ZBTB3: variants seen among roughly 807,000 people sequenced by gnomAD.
The protein encoded by ZBTB3 is zinc finger and BTB domain containing 3.
A neutral mutation model predicts 30.6 loss-of-function variants in ZBTB3; 15 were observed. The observed-to-expected ratio is 0.49, with a 90% CI of 0.33 to 0.75. The LOEUF is 0.75. ZBTB3 is among the 30% of genes least tolerant of loss of function. ZBTB3 has a pLI of 0.02. For missense variants in ZBTB3, 599 were observed against 652.1 expected (o/e 0.92, Z 0.89); for synonymous variants, 258 against 261.7 (o/e 0.99, Z 0.14).
At position 62,752,385 on chromosome 11, in the gene ZBTB3, CAT is replaced by C. The variant is rs1260533813; in HGVS notation, c.1278_1279del (p.Cys427TrpfsTer20). The C allele has an allele frequency of 3.1e-6, 5 of 1,614,194 alleles. No individual in the cohort carries two copies. Among genetic ancestry groups the C allele is most frequent in the East Asian group, 2.2e-5 (1 of 44,890 alleles). On this transcript the variant is annotated frameshift_variant, in exon 2 of 2. Coordinates refer to ENST00000394807, the MANE Select transcript of ZBTB3 (RefSeq NM_001370809.1). LOFTEE classifies it high-confidence loss of function. ...GTAAGAGCATGAGAAGGTCTTCCCA[CAT>C]GTCTTGCAGGTGGGAACATCCTCAG...
chr11:62,754,084 C>T lies in ZBTB3; in HGVS notation c.-172G>A. On this transcript the variant is annotated 5_prime_UTR_variant, in exon 1 of 2. Transcript: ENST00000394807. ...GCATCTCCCTCACGCATTCCAGGGG[C>T]TAAGGACTACCAGGGTGGGAACTAG... 1 of 1,611,546 alleles carries T rather than the reference C, an allele frequency of 6.2e-7. No individual in the cohort carries two copies. The highest frequency in any genetic ancestry group is 1.3e-5 in the African/African-American group (1 of 74,966).
At position 62,752,725 on chromosome 11, in the gene ZBTB3, C is replaced by A; in HGVS notation, c.940G>T (p.Glu314Ter). The change falls in exon 2 of 2, where the codon GAA (glutamate) becomes TAA (stop). Residue 314 changes from glutamate (E) to a stop codon, truncating the protein, a stop_gained. Transcript: ENST00000394807. LOFTEE classifies it high-confidence loss of function. ...TGTTCATCTGACACATCAGTCTCTT[C>A]ATCAGAGATCACAATAGCTTCAACT... ...VKVEAIVISD[E>*]ETDVSDEQPQ... 1.2e-6 allele frequency: 2 copies of A among 1,614,244 alleles called. No homozygotes were observed. The highest frequency in any genetic ancestry group is 1.7e-6 in the Non-Finnish European group (2 of 1,180,054).
Position 62,754,136 on chromosome 11 carries a change from A to G in ZBTB3, c.-224T>C. Reference sequence around the variant, plus strand: ...GGAGAAAGCTGATACCTCACCCACCACCGAGCAGCCACAGGGCGAGCTCCG... The same window carrying G: ...GGAGAAAGCTGATACCTCACCCACCGCCGAGCAGCCACAGGGCGAGCTCCG... On this transcript the variant is annotated 5_prime_UTR_variant, in exon 1 of 2. Transcript: ENST00000394807. The G allele has an allele frequency of 1.4e-6, 2 of 1,446,754 alleles. No individual in the cohort carries two copies. Among genetic ancestry groups the G allele is most frequent in the South Asian group, 2.3e-5 (2 of 87,422 alleles). 89.6% of individuals were successfully genotyped at this position (1,446,754 alleles called of 1,614,324 possible).
rs185887296 is a variant in ZBTB3, at chr11:62,752,929, G to A, written c.736C>T (p.Leu246=). The change falls in exon 2 of 2, where the codon CTG becomes TTG. Residue 246 remains leucine (L), a synonymous_variant. Transcript: ENST00000394807. ...SGISAVSLEP[L]PSLDVGPESL... The stretch of plus-strand genomic sequence containing the variant: ...TCAGGACCCACATCAAGAGATGGCA[G>A]TGGCTCCAATGAAACTGCTGAGATG... 30 of 1,614,162 alleles carry A rather than the reference G, an allele frequency of 1.9e-5. No homozygotes were observed. In the East Asian group the frequency reaches 6.7e-4, roughly 36 times the overall value.
At position 62,754,012 on chromosome 11, in the gene ZBTB3, G is replaced by A. The variant is rs766373985; in HGVS notation, c.-100C>T. ...GAAGTAGAGATCTTTTTCGCTCCCA[G>A]GCCTTGCCAGGCGATGCCTCTACGC... On this transcript the variant is annotated 5_prime_UTR_variant, in exon 1 of 2. Coordinates refer to ENST00000394807, the MANE Select transcript of ZBTB3 (RefSeq NM_001370809.1). 2.5e-6 allele frequency: 4 copies of A among 1,613,870 alleles called. No individual in the cohort carries two copies. In the East Asian group the frequency reaches 8.9e-5, roughly 36 times the overall value.
rs780023432 is a variant in ZBTB3 at position 62,752,456 on chromosome 11, C to T, written c.1209G>A (p.Leu403=). ...CTGGAGCTGCTTCGTACTCAGAAGA[C>T]AGGTAAAGTGGCTCATGCAGGGATG... ...APASLHEPLY[L]SSEYEAAPGS... The change falls in exon 2 of 2, where the codon CTG becomes CTA. Residue 403 remains leucine (L), a synonymous_variant. Transcript: ENST00000394807. 1 of 1,614,158 alleles carries T rather than the reference C, an allele frequency of 6.2e-7. No individual in the cohort carries two copies. The highest frequency in any genetic ancestry group is 1.7e-5 in the Admixed American group (1 of 60,006).
rs2084037709 is a variant in ZBTB3 at position 62,753,652 on chromosome 11, C to T, written c.13G>A (p.Glu5Lys). MEFP[E>K]HSQQLLQSLR... ...CTCTGCAGCAGCTGCTGACTGTGTTCTGGGAACTCCATAGTACCCCACGAA... is the reference window on the plus strand; with the variant it reads ...CTCTGCAGCAGCTGCTGACTGTGTTTTGGGAACTCCATAGTACCCCACGAA... Residue 5 changes from glutamate (E) to lysine (K), a missense_variant, in exon 2 of 2, where the codon GAA (glutamate) becomes AAA (lysine). Transcript: ENST00000394807. The T allele has an allele frequency of 6.2e-7, 1 of 1,613,176 alleles. No homozygotes were observed. Among genetic ancestry groups the T allele is most frequent in the Admixed American group, 1.7e-5 (1 of 59,972 alleles).
Position 62,751,809 on chromosome 11 carries a change from C to A in ZBTB3, c.*281G>T, listed in dbSNP as rs1206425904. 3 of 238,138 alleles carry A rather than the reference C, an allele frequency of 1.3e-5. No homozygotes were observed. Among genetic ancestry groups the A allele is most frequent in the Non-Finnish European group, 2.4e-5 (3 of 123,754 alleles). 14.8% of individuals were successfully genotyped at this position (238,138 alleles called of 1,614,324 possible). On this transcript the variant is annotated 3_prime_UTR_variant, in exon 2 of 2. Transcript: ENST00000394807. ...AATTAGCCAGGCATGGTGATAGGCG[C>A]CTGTAGTCCCAGCTACTCGGGAGGC...
rs1487968925 is a variant in ZBTB3, at chr11:62,753,697, G to A, written c.-33C>T. ...CACGAAGGAAAGGGGGCCCAAAAAA[G>A]GTCCCCACCAGTGGCTCCCTGAGAA... On this transcript the variant is annotated 5_prime_UTR_variant, in exon 2 of 2. Transcript: ENST00000394807. 3 of 1,599,982 alleles carry A rather than the reference G, an allele frequency of 1.9e-6. No homozygotes were observed. In the African/African-American group the frequency reaches 4.0e-5, roughly 21 times the overall value.
rs761816179 is a variant in ZBTB3 at position 62,753,165 on chromosome 11, C to T, written c.500G>A (p.Gly167Asp). The change falls in exon 2 of 2, where the codon GGC (glycine) becomes GAC (aspartate). Residue 167 changes from glycine (G) to aspartate (D), a missense_variant. Transcript: ENST00000394807. ...AGCAGAGCCTTTCCATTCCCCTTTGCCCCAGTGGCCTGATGTCTCAGCAGA... is the reference window on the plus strand; with the variant it reads ...AGCAGAGCCTTTCCATTCCCCTTTGTCCCAGTGGCCTGATGTCTCAGCAGA... ...LASAETSGHW[G>D]KGEWKGSAAP... The T allele has an allele frequency of 2.2e-5, 35 of 1,614,028 alleles. No individual in the cohort carries two copies. The highest frequency in any genetic ancestry group is 1.5e-4 in the South Asian group (14 of 91,088).
chr11:62,753,682 A>T lies in ZBTB3; in HGVS notation c.-18T>A. On this transcript the variant is annotated 5_prime_UTR_variant, in exon 2 of 2. Coordinates refer to ENST00000394807, the MANE Select transcript of ZBTB3 (RefSeq NM_001370809.1). Reference sequence around the variant, plus strand: ...AACTCCATAGTACCCCACGAAGGAAAGGGGGCCCAAAAAAGGTCCCCACCA... The same window carrying T: ...AACTCCATAGTACCCCACGAAGGAATGGGGGCCCAAAAAAGGTCCCCACCA... 1 of 1,605,770 alleles carries T rather than the reference A, an allele frequency of 6.2e-7. No homozygotes were observed. Among genetic ancestry groups the T allele is most frequent in the South Asian group, 1.1e-5 (1 of 90,842 alleles).
intron 1 of ZBTB3, 71 bp from the exon 2 acceptor site, chr11:62,753,786 T>TG (rs1305004796): frequency 6.5e-7 from 1 of 1,542,402 alleles, no homozygotes; most frequent in African/African-American, 1.4e-5. Flanking sequence ...AACTATCACT[T>TG]GCCACTCCAA....
Position 62,753,302 on chromosome 11 carries a change from G to A in ZBTB3, c.363C>T (p.Ala121=). Residue 121 remains alanine, a synonymous_variant, in exon 2 of 2, where the codon GCC becomes GCT. Coordinates refer to ENST00000394807, the MANE Select transcript of ZBTB3 (RefSeq NM_001370809.1). ...TACTGTCTGCCTCTGCCAGGGCCCG[G>A]GCTTGAAGCCGCCGCTTACACACCT... ...IVKVCKRRLQ[A]RALAEADSTK... is the part of the protein sequence containing the mutation. 6.2e-7 allele frequency: 1 copy of A among 1,614,106 alleles called. No homozygotes were observed. Among genetic ancestry groups the A allele is most frequent in the Non-Finnish European group, 8.5e-7 (1 of 1,180,028 alleles).
intron 1 of ZBTB3, 96 bp downstream of exon 1, chr11:62,753,868 C>A: frequency 6.4e-7 from 1 of 1,566,926 alleles, no homozygotes; most frequent in Non-Finnish European, 8.7e-7. Flanking sequence ...CTCCGCCCAC[C>A]TCGGCCTAAC....
Position 62,752,365 on chromosome 11 carries a change from AG to A in ZBTB3, c.1299del (p.Ser434LeufsTer58). 1 of 1,614,156 alleles carries A rather than the reference AG, an allele frequency of 6.2e-7. No homozygotes were observed. The highest frequency in any genetic ancestry group is 2.2e-5 in the East Asian group (1 of 44,886). ...GTGGCATGTCGCCGTAGTGTGTAAG[AG>A]CATGAGAAGGTCTTCCCACATGTCT... ...TCKTCGKTFS[C>X]SYTLRRHATV... On this transcript the variant is annotated frameshift_variant, in exon 2 of 2. Transcript: ENST00000394807. LOFTEE classifies it high-confidence loss of function.
Position 62,753,574 on chromosome 11 carries a change from C to T in ZBTB3, c.91G>A (p.Gly31Ser). Reference sequence around the variant, plus strand: ...CGATGGGCCAAGAACTGGGTACTACCCACCATCACGGTGCAGTCACAAAGG... The same window carrying T: ...CGATGGGCCAAGAACTGGGTACTACTCACCATCACGGTGCAGTCACAAAGG... The part of the protein sequence containing the change: ...GFLCDCTVMV[G>S]STQFLAHRAV... The change falls in exon 2 of 2, where the codon GGT becomes AGT. Residue 31 changes from glycine to serine, a missense_variant. Transcript: ENST00000394807. The T allele has an allele frequency of 1.2e-6, 2 of 1,614,092 alleles. No individual in the cohort carries two copies. Among genetic ancestry groups the T allele is most frequent in the Non-Finnish European group, 8.5e-7 (1 of 1,180,000 alleles).
At position 62,753,229 on chromosome 11, in the gene ZBTB3, A is replaced by C; in HGVS notation, c.436T>G (p.Leu146Val). The change falls in exon 2 of 2, where the codon TTG becomes GTG. Residue 146 changes from leucine (L) to valine (V), a missense_variant. By Grantham distance (32) the Leu-to-Val change is conservative. Transcript: ENST00000394807. Reference protein sequence around the residue: ...TNSQLPSLEFLSSTSRGTQPS... With the variant: ...TNSQLPSLEFVSSTSRGTQPS... ...TGGGTGCCACGGGAAGTACTAGACAAAAACTCCAAACTAGGAAGCTGTGAG... is the reference window on the plus strand; with the variant it reads ...TGGGTGCCACGGGAAGTACTAGACACAAACTCCAAACTAGGAAGCTGTGAG... The C allele has an allele frequency of 1.2e-6, 2 of 1,614,112 alleles. No homozygotes were observed. The highest frequency in any genetic ancestry group is 1.7e-6 in the Non-Finnish European group (2 of 1,180,018).
In ZBTB3 at chr11:62,752,638, G is replaced by C; in HGVS notation, c.1027C>G (p.Gln343Glu). 2 of 1,614,222 alleles carry C rather than the reference G, an allele frequency of 1.2e-6. No homozygotes were observed. Among genetic ancestry groups the C allele is most frequent in the South Asian group, 2.2e-5 (2 of 91,086 alleles). The change falls in exon 2 of 2, where the codon CAG becomes GAG. Residue 343 changes from glutamine to glutamate, a missense_variant. Transcript: ENST00000394807. Reference sequence around the variant, plus strand: ...CCTGGGTCTTCAAAAGCCTCTGGCTGGGAGGGCTGTGCCCCATACACTGCT... The same window carrying C: ...CCTGGGTCTTCAAAAGCCTCTGGCTCGGAGGGCTGTGCCCCATACACTGCT... ...GGAVYGAQPS[Q>E]PEAFEDPGAA...
chr11:62,752,806 C>G lies in ZBTB3; in HGVS notation c.859G>C (p.Ala287Pro). ...APTSAPAPVS[A>P]PVPSQAPAPA... is the part of the protein sequence containing the mutation. ...GCTGGAGCCTGGGATGGAACTGGAGCTGAGACAGGGGCTGGGGCTGACGTT... is the reference window on the plus strand; with the variant it reads ...GCTGGAGCCTGGGATGGAACTGGAGGTGAGACAGGGGCTGGGGCTGACGTT... Residue 287 changes from alanine to proline, a missense_variant, in exon 2 of 2, where the codon GCT becomes CCT. By Grantham distance (27) the Ala-to-Pro change is conservative (BLOSUM62 -1). Coordinates refer to ENST00000394807, the MANE Select transcript of ZBTB3 (RefSeq NM_001370809.1). 6.2e-7 allele frequency: 1 copy of G among 1,614,124 alleles called. No individual in the cohort carries two copies. Among genetic ancestry groups the G allele is most frequent in the Non-Finnish European group, 8.5e-7 (1 of 1,180,028 alleles).
Sources: allele counts gnomAD v4.1 joint callset, GRCh38; gene constraint gnomAD v4.1.1; transcripts MANE v1.5; gene names NCBI Gene and HGNC (gene_info 2026-07-23, HGNC 2026-07-21).